RNF216: variants seen among roughly 807,000 people sequenced by gnomAD.
The protein encoded by RNF216 is E3 ubiquitin-protein ligase RNF216.
In RNF216, 72 loss-of-function variants were observed where a neutral mutation model predicts 110.8. The observed-to-expected ratio is 0.65, with a 90% CI of 0.54 to 0.79. RNF216 has a LOEUF of 0.79. Ranked by LOEUF, RNF216 falls within the 30% of genes least tolerant of loss-of-function variation. The pLI is 0.00. For missense variants in RNF216, 1,342 were observed against 1,141.2 expected, an observed-to-expected ratio of 1.18 and a Z score of -2.54; for synonymous variants, 495 against 407.5, an observed-to-expected ratio of 1.21 and a Z score of -2.59.
chr7:5,741,786 A>T lies in RNF216; in HGVS notation c.231T>A (p.Asn77Lys). Residue 77 changes from asparagine to lysine, a missense_variant, in exon 4 of 17, where the codon AAT becomes AAA. Physicochemically the swap from Asn to Lys is moderately conservative, Grantham distance 94 (BLOSUM62 0). Coordinates refer to ENST00000389902, the MANE Select transcript of RNF216 (RefSeq NM_207111.4). ...ETNKPQRSRP[N>K]LIKPAAQWQD... ...GCCACTGGGCAGCTGGTTTGATGAGATTGGGTCGTGATCTCTGAGGTTTAT... is the reference window on the plus strand; with the variant it reads ...GCCACTGGGCAGCTGGTTTGATGAGTTTGGGTCGTGATCTCTGAGGTTTAT... 6.2e-7 allele frequency: 1 copy of T among 1,612,594 alleles called. No homozygotes were observed. The highest frequency in any genetic ancestry group is 8.5e-7 in the Non-Finnish European group (1 of 1,179,592).
At chr7:5,679,190 G>C (rs1790497290) in intron 13 of RNF216, among the ~76,000 whole-genome samples, 1 of 152,174 alleles carries the variant, frequency 6.6e-6, no homozygotes, top group African/African-American at 2.4e-5. Flanking sequence ...CCCTCGGGTA[G>C]GGGTGGTGGT....
At chr7:5,766,354 T>C (rs1796207169) in intron 1 of RNF216, among the ~76,000 whole-genome samples, 1 of 151,980 alleles carries the variant, frequency 6.6e-6, no homozygotes, top group Non-Finnish European at 1.5e-5. Context: ...TGCTCTAAAG[T>C]GTGTCACGCC....
At chr7:5,754,151 T>A (rs1795488451) in intron 2 of RNF216, among the ~76,000 whole-genome samples, 1 of 150,632 alleles carries the variant, frequency 6.6e-6, no homozygotes, top group African/African-American at 2.5e-5. Context: ...TGTGTGTGTG[T>A]GTGTGTGTGT....
chr7:5,740,961 A>C lies in RNF216; in HGVS notation c.1044+12T>G. The C allele has an allele frequency of 6.3e-7, 1 of 1,576,478 alleles. No homozygotes were observed. The highest frequency in any genetic ancestry group is 8.6e-7 in the Non-Finnish European group (1 of 1,166,298). On this transcript the variant is annotated intron_variant, in intron 4 of 16. Coordinates refer to ENST00000389902, the MANE Select transcript of RNF216 (RefSeq NM_207111.4). ...TGTAGTGTCTACATTTACTTGATAA[A>C]ATAAAACTTACCGTTTCTTTCACTA...
intron 13 of RNF216, among the ~76,000 whole-genome samples, chr7:5,700,542 A>G (rs1287443897): frequency 6.6e-6 from 1 of 152,174 alleles, no homozygotes; most frequent in Admixed American, 6.5e-5. Flanking sequence ...TTCTAGAAAG[A>G]GGGCCACTCC....
chr7:5,772,892 C>T (rs1434327628), intron 1 of RNF216, among the ~76,000 whole-genome samples: 3 of 151,666 alleles, frequency 2.0e-5, no homozygotes, highest in African/African-American at 7.3e-5. Context: ...AATTCTCCTG[C>T]CTCACCCTCC....
Position 5,622,482 on chromosome 7 carries a change from G to T in RNF216, c.*378C>A. The T allele has an allele frequency of 5.3e-6, 1 of 188,890 alleles. No homozygotes were observed. The allele number at this position is 188,890 out of a possible 1,614,324, so 11.7% of individuals were successfully genotyped here. A position where few individuals can be genotyped will look rare whatever the true frequency, so the allele number is the denominator to read the frequency against. On this transcript the variant is annotated 3_prime_UTR_variant, in exon 17 of 17. Coordinates refer to ENST00000389902, the MANE Select transcript of RNF216 (RefSeq NM_207111.4). ...CTTGGCCCAACCGTGGGCCCCTCCAGGGAGATGCTCTCGGCTGCCTTGCTA... is the reference window on the plus strand; with the variant it reads ...CTTGGCCCAACCGTGGGCCCCTCCATGGAGATGCTCTCGGCTGCCTTGCTA...
Position 5,729,413 on chromosome 7 carries a change from G to A in RNF216, c.1389+19C>T. 6.2e-7 allele frequency: 1 copy of A among 1,612,828 alleles called. No homozygotes were observed. Among genetic ancestry groups the A allele is most frequent in the Non-Finnish European group, 8.5e-7 (1 of 1,179,126 alleles). ...GTAGTCAAGAGGTGTGACCCCAACA[G>A]GAAGACCAAGTAGAGTACCTTTCGG... is the stretch of plus-strand genomic sequence containing the variant. On this transcript the variant is annotated intron_variant, in intron 7 of 16. Coordinates refer to ENST00000389902, the MANE Select transcript of RNF216 (RefSeq NM_207111.4).
rs150281306 is a variant in RNF216, at chr7:5,651,469, C to T, written c.2159+944G>A. On this transcript the variant is annotated intron_variant, in intron 14 of 16. Transcript: ENST00000389902. ...CTGGTCTCAAATTCGTGAGCTCAAG[C>T]GATCTACCTGCCTTAGCCTCCCAAA... is the stretch of plus-strand genomic sequence containing the variant. 4.2e-3 allele frequency among the ~76,000 whole-genome samples: 637 copies of T among 152,096 alleles called. 1 individual carries two copies. Among genetic ancestry groups the T allele is most frequent in the African/African-American group, 0.013 (559 of 41,492 alleles).
rs555805460 is a variant in RNF216, at chr7:5,695,172, A to G, written c.2061+16589T>C. ...ATCCACGGTTCTTCATCTGTACAAC[A>G]AGCATGTCTGGGTTATATGACCTCC... On this transcript the variant is annotated intron_variant, in intron 13 of 16. Coordinates refer to ENST00000389902, the MANE Select transcript of RNF216 (RefSeq NM_207111.4). Among the ~76,000 whole-genome samples the G allele has an allele frequency of 2.8e-4, 42 of 152,346 alleles. 2 individuals are homozygous for G. In the South Asian group the frequency reaches 8.5e-3, roughly 31 times the overall value.
intron 14 of RNF216, among the ~76,000 whole-genome samples, chr7:5,647,033 G>T (rs1203124364): frequency 6.6e-6 from 1 of 152,064 alleles, no homozygotes; most frequent in South Asian, 2.1e-4. Flanking sequence ...CATTGCCTCA[G>T]GCAGCTGCAG....
At chr7:5,674,220 G>A (rs569062824) in intron 13 of RNF216, among the ~76,000 whole-genome samples, 7 of 151,972 alleles carry the variant, frequency 4.6e-5, no homozygotes, top group Non-Finnish European at 1.0e-4. Context: ...AGTAGAGACG[G>A]GGTTTCACCA....
In RNF216 at chr7:5,743,437, AAACT is replaced by A. The variant is rs148026502; in HGVS notation, c.202-1626_202-1623del. On this transcript the variant is annotated intron_variant, in intron 3 of 16. Coordinates refer to ENST00000389902, the MANE Select transcript of RNF216 (RefSeq NM_207111.4). ...TTTGTCCCTGAGTGAATGGTTAAAT[AAACT>A]ATTACTTATTTGTTCTACAAAATAC... 4.1e-3 allele frequency among the ~76,000 whole-genome samples: 626 copies of A among 152,320 alleles called. 1 individual carries two copies. The highest frequency in any genetic ancestry group is 0.013 in the African/African-American group (552 of 41,574).
At chr7:5,728,050 A>G (rs2128641804) in intron 7 of RNF216, among the ~76,000 whole-genome samples, 1 of 152,196 alleles carries the variant, frequency 6.6e-6, no homozygotes, top group African/African-American at 2.4e-5. Context: ...TTCTCAGCAC[A>G]TTGGCAACCA....
At chr7:5,768,126 G>C (rs1345194993) in intron 1 of RNF216, among the ~76,000 whole-genome samples, 6 of 151,770 alleles carry the variant, frequency 4.0e-5, no homozygotes, top group African/African-American at 1.5e-4. Flanking sequence ...GGAACTTCCA[G>C]TTTTTTCATT....
At chr7:5,690,649 T>C (rs954588432) in intron 13 of RNF216, among the ~76,000 whole-genome samples, 2 of 150,176 alleles carry the variant, frequency 1.3e-5, no homozygotes, top group Admixed American at 1.4e-4. Context: ...CTGGCACTGT[T>C]ATCCCATTCT....
At chr7:5,660,668 C>A (rs1243935008) in intron 13 of RNF216, among the ~76,000 whole-genome samples, 1 of 151,768 alleles carries the variant, frequency 6.6e-6, no homozygotes, top group African/African-American at 2.4e-5. Flanking sequence ...GTCGCGACCT[C>A]CCTGGCTCAA....
chr7:5,652,515 G>A lies in RNF216; in HGVS notation c.2062-5C>T. On this transcript the variant is annotated splice_region_variant and splice_polypyrimidine_tract_variant and intron_variant, in intron 13 of 16. Coordinates refer to ENST00000389902, the MANE Select transcript of RNF216 (RefSeq NM_207111.4). ...CTGACACTTCCTACAGGTTTCCTGG[G>A]GATAAAGGACAGACACAAAGACAAC... 1 of 1,604,960 alleles carries A rather than the reference G, an allele frequency of 6.2e-7. No individual in the cohort carries two copies. The highest frequency in any genetic ancestry group is 1.7e-5 in the Admixed American group (1 of 59,998).
rs192524855 is a variant in RNF216 at position 5,766,261 on chromosome 7, G to C, written c.-69-5123C>G. 5.8e-4 allele frequency among the ~76,000 whole-genome samples: 88 copies of C among 152,298 alleles called. 1 individual carries two copies. Among genetic ancestry groups the C allele is most frequent in the South Asian group, 5.6e-3 (27 of 4,820 alleles). On this transcript the variant is annotated intron_variant, in intron 1 of 16. Transcript: ENST00000389902. Reference sequence around the variant, plus strand: ...GCCATGAGTGTGCCACTGCACTCCAGCCTGGGTGACAGAGTGAGACACTGC... The same window carrying C: ...GCCATGAGTGTGCCACTGCACTCCACCCTGGGTGACAGAGTGAGACACTGC...
Sources: allele counts gnomAD v4.1 joint callset (sites outside exome capture counted in the v4.1 genomes callset), GRCh38; gene constraint gnomAD v4.1.1; transcripts MANE v1.5; gene names NCBI Gene and HGNC (gene_info 2026-07-23, HGNC 2026-07-21).